Variants in SYNE1 observed in about 807,000 individuals in gnomAD.
SYNE1 encodes nesprin-1.
SYNE1 carries 616 observed loss-of-function variants against 1,111.0 expected under a neutral mutation model. The observed-to-expected ratio is 0.55, with a 90% CI of 0.52 to 0.59. The LOEUF is 0.59. Among genes scored for constraint, SYNE1 ranks in the 20% least tolerant of loss-of-function variants. SYNE1 has a pLI of 0.00. For synonymous variants in SYNE1, 3,855 were observed against 3,825.8 expected (o/e 1.01, Z -0.28); for missense variants, 10,006 against 10,417.0 (o/e 0.96, Z 1.72).
At chr6:152,278,397 ATTT>A (rs1005527263) in intron 97 of SYNE1, 117 bp from the exon 98 acceptor site, 1 of 1,258,868 alleles carries the variant, frequency 7.9e-7, no homozygotes, top group East Asian at 2.3e-5. Flanking sequence ...GGCTTTCATG[ATTT>A]TTTGTAGTTT....
chr6:152,333,192 ATG>A (rs759881281), intron 77 of SYNE1, among the ~76,000 whole-genome samples: 2 of 152,088 alleles, frequency 1.3e-5, no homozygotes, highest in African/African-American at 2.4e-5. Flanking sequence ...ATGATCCAGT[ATG>A]TGTGTGTGTG....
chr6:152,451,277 A>T (rs1592974730), intron 25 of SYNE1, 72 bp from the exon 26 acceptor site: 1 of 296,894 alleles, frequency 3.4e-6, no homozygotes. Flanking sequence ...TTGAAGTGGC[A>T]AAAAAAAAAA....
intron 93 of SYNE1, among the ~76,000 whole-genome samples, chr6:152,297,368 C>A (rs1242773201): frequency 6.6e-6 from 1 of 152,182 alleles, no homozygotes; most frequent in Non-Finnish European, 1.5e-5. Flanking sequence ...CTGACTCCAG[C>A]CAGTTTAGGT....
chr6:152,595,058 G>T (rs2099577040), intron 3 of SYNE1, among the ~76,000 whole-genome samples: 1 of 152,038 alleles, frequency 6.6e-6, no homozygotes, highest in African/African-American at 2.4e-5. Context: ...TCCTGTTTTT[G>T]GCTTGTTATT....
At chr6:152,225,112 C>T (rs1588193589) in intron 116 of SYNE1, among the ~76,000 whole-genome samples, 1 of 151,538 alleles carries the variant, frequency 6.6e-6, no homozygotes, top group East Asian at 1.9e-4. Context: ...TGATCATTAT[C>T]CCCATTTTAT....
rs955360754 is a variant in SYNE1 at position 152,429,414 on chromosome 6, C to T, written c.4788+698G>A. On this transcript the variant is annotated intron_variant, in intron 36 of 145. Coordinates refer to ENST00000367255, the MANE Select transcript of SYNE1 (RefSeq NM_182961.4). Reference sequence around the variant, plus strand: ...GTATTAAGAAATTACAAATAAGTAACGCAAAAGTGTATTCTCATTATCAAT... The same window carrying T: ...GTATTAAGAAATTACAAATAAGTAATGCAAAAGTGTATTCTCATTATCAAT... Among the ~76,000 whole-genome samples, 11 of 152,200 alleles carry T rather than the reference C, an allele frequency of 7.2e-5. No homozygotes were observed. In the South Asian group the frequency reaches 1.5e-3, roughly 20 times the overall value.
intron 139 of SYNE1, among the ~76,000 whole-genome samples, chr6:152,140,852 T>C (rs2813482): frequency 0.46 from 69,249 of 151,430 alleles, 16,233 homozygotes; most frequent in African/African-American, 0.56. Flanking sequence ...GCTAACACGG[T>C]GAAACCCCAC....
At chr6:152,602,272 G>A (rs1019790245) in intron 3 of SYNE1, among the ~76,000 whole-genome samples, 5 of 152,062 alleles carry the variant, frequency 3.3e-5, no homozygotes, top group Non-Finnish European at 7.4e-5. Context: ...CCTAATCTAC[G>A]ATAACTAGTG....
intron 48 of SYNE1, 39 bp downstream of exon 48, chr6:152,399,577 G>C (rs374142372): frequency 6.2e-7 from 1 of 1,609,942 alleles, no homozygotes; most frequent in Non-Finnish European, 8.5e-7. Flanking sequence ...ATTCTTTCTC[G>C]GAAACAAACT....
intron 3 of SYNE1, among the ~76,000 whole-genome samples, chr6:152,565,540 A>G (rs1264969396): frequency 2.6e-5 from 4 of 152,144 alleles, no homozygotes; most frequent in Non-Finnish European, 5.9e-5. Flanking sequence ...TCAACATTAA[A>G]TCTTCAACCT....
chr6:152,547,288 G>A (rs1286026815), intron 3 of SYNE1, among the ~76,000 whole-genome samples: 2 of 152,238 alleles, frequency 1.3e-5, no homozygotes, highest in Non-Finnish European at 2.9e-5. Context: ...AAGACATATG[G>A]CATTGGTCTT....
At chr6:152,577,092 A>T (rs2128372751) in intron 3 of SYNE1, among the ~76,000 whole-genome samples, 1 of 152,360 alleles carries the variant, frequency 6.6e-6, no homozygotes, top group African/African-American at 2.4e-5. Flanking sequence ...GGCTACAATC[A>T]CTGCAGCTAA....
At chr6:152,497,575 A>G (rs1189071186) in intron 11 of SYNE1, among the ~76,000 whole-genome samples, 2 of 152,206 alleles carry the variant, frequency 1.3e-5, no homozygotes, top group Non-Finnish European at 2.9e-5. Flanking sequence ...TTTAAAAAGC[A>G]CTTGACTGCC....
chr6:152,475,960 T>C (rs1304167206), intron 14 of SYNE1, among the ~76,000 whole-genome samples: 1 of 152,250 alleles, frequency 6.6e-6, no homozygotes, highest in Non-Finnish European at 1.5e-5. Flanking sequence ...AAGACAACAC[T>C]GTAGCTGGAT....
intron 32 of SYNE1, among the ~76,000 whole-genome samples, chr6:152,436,327 G>A (rs1475977404): frequency 6.6e-6 from 1 of 151,790 alleles, no homozygotes; most frequent in Non-Finnish European, 1.5e-5. Context: ...TTTGAGATAG[G>A]GTCTTGCTCT....
At chr6:152,609,530 C>A (rs2099625381) in intron 3 of SYNE1, among the ~76,000 whole-genome samples, 1 of 152,214 alleles carries the variant, frequency 6.6e-6, no homozygotes, top group Non-Finnish European at 1.5e-5. Flanking sequence ...TAGACTCCAC[C>A]TCTGTGGGCA....
intron 143 of SYNE1, among the ~76,000 whole-genome samples, chr6:152,132,438 T>C (rs1040708856): frequency 6.6e-6 from 1 of 152,150 alleles, no homozygotes; most frequent in Non-Finnish European, 1.5e-5. Flanking sequence ...TTCTGGAAAA[T>C]ATAGCTATGA....
intron 115 of SYNE1, among the ~76,000 whole-genome samples, chr6:152,229,582 G>T (rs1025601814): frequency 6.6e-6 from 1 of 152,068 alleles, no homozygotes; most frequent in Non-Finnish European, 1.5e-5. Context: ...TTGTTCAGAG[G>T]AGGTGAACGG....
rs1312403534 is a variant in SYNE1 at position 152,455,600 on chromosome 6, A to G, written c.2728-10T>C. 6.2e-7 allele frequency: 1 copy of G among 1,614,146 alleles called. No homozygotes were observed. Among genetic ancestry groups the G allele is most frequent in the East Asian group, 2.2e-5 (1 of 44,890 alleles). ...TTTTCTTTACCATACTCTTGATGTG[A>G]AAAACAATCATAATGTGATGCTGCT... On this transcript the variant is annotated splice_polypyrimidine_tract_variant and intron_variant, in intron 23 of 145. Transcript: ENST00000367255.
Sources: allele counts gnomAD v4.1 joint callset (sites outside exome capture counted in the v4.1 genomes callset), GRCh38; gene constraint gnomAD v4.1.1; transcripts MANE v1.5; gene names NCBI Gene and HGNC (gene_info 2026-07-23, HGNC 2026-07-21).